The following SGCZ variants were observed in gnomAD, a reference collection of about 807,000 sequenced individuals.
SGCZ encodes the protein sarcoglycan zeta, also known as zeta-sarcoglycan.
Under a neutral mutation model 41.3 loss-of-function variants are expected in SGCZ, and 40 were observed. That is an observed-to-expected ratio of 0.97 (90% CI 0.75 to 1.26). The LOEUF (loss-of-function observed/expected upper bound fraction) is 1.26, where lower values mean the gene tolerates loss of function less well. SGCZ is among the 50% of genes most tolerant of loss of function. The pLI is 0.00. For synonymous variants in SGCZ, 206 were observed against 137.5 expected, an observed-to-expected ratio of 1.50 and a Z score of -3.49; for missense variants, 552 against 369.8, an observed-to-expected ratio of 1.49 and a Z score of -4.04.
chr8:14,725,996 C>T (rs949403517), intron 1 of SGCZ, among the ~76,000 whole-genome samples: 23 of 151,720 alleles, frequency 1.5e-4, no homozygotes, highest in Admixed American at 1.1e-3. Flanking sequence ...GCCAGGCTCA[C>T]GCCTGTAATC....
chr8:14,922,747 C>A (rs59456319), intron 1 of SGCZ, among the ~76,000 whole-genome samples: 1 of 152,214 alleles, frequency 6.6e-6, no homozygotes, highest in South Asian at 2.1e-4. Context: ...TTTTTGCATA[C>A]ATTCAAGATA....
At chr8:14,541,712 C>A (rs1004851725) in intron 2 of SGCZ, among the ~76,000 whole-genome samples, 13 of 152,136 alleles carry the variant, frequency 8.5e-5, no homozygotes, top group African/African-American at 1.4e-4. Flanking sequence ...GCCACACTGT[C>A]TTCCACAATG....
chr8:14,499,119 T>C (rs1168152096), intron 2 of SGCZ, among the ~76,000 whole-genome samples: 1 of 152,048 alleles, frequency 6.6e-6, no homozygotes, highest in Non-Finnish European at 1.5e-5. Context: ...TGTTATTTGC[T>C]TATATTGCTT....
chr8:15,142,785 T>C (rs538162641), intron 1 of SGCZ, among the ~76,000 whole-genome samples: 1 of 152,096 alleles, frequency 6.6e-6, no homozygotes, highest in African/African-American at 2.4e-5. Flanking sequence ...CTACTTTTTG[T>C]ATTTTTGTAG....
chr8:15,026,624 G>A (rs895370444), intron 1 of SGCZ, among the ~76,000 whole-genome samples: 3 of 152,106 alleles, frequency 2.0e-5, no homozygotes, highest in African/African-American at 7.2e-5. Flanking sequence ...AAAGGGACTC[G>A]ATTGCCAATC....
At chr8:14,958,937 A>C (rs1323186055) in intron 1 of SGCZ, among the ~76,000 whole-genome samples, 3 of 152,118 alleles carry the variant, frequency 2.0e-5, no homozygotes, top group African/African-American at 7.2e-5. Flanking sequence ...CAGATTCTCT[A>C]AAACTCTTTT....
chr8:14,090,208 G>C lies in SGCZ; in HGVS notation c.*235C>G, dbSNP rs375870198. The stretch of plus-strand genomic sequence containing the variant: ...ATTCTCCCTTTCGAGCAAAAGTCAT[G>C]ATCCAGTTTTCCTGCTGACGACGCT... On this transcript the variant is annotated 3_prime_UTR_variant, in exon 8 of 8. Coordinates refer to ENST00000382080, the MANE Select transcript of SGCZ (RefSeq NM_139167.4). The C allele has an allele frequency of 5.5e-6, 2 of 365,208 alleles. No homozygotes were observed. Among genetic ancestry groups the C allele is most frequent in the African/African-American group, 2.1e-5 (1 of 48,182 alleles). The allele number at this position is 365,208 out of a possible 1,614,324, so 22.6% of individuals were successfully genotyped here. A position where few individuals can be genotyped will look rare whatever the true frequency, so the allele number is the denominator to read the frequency against.
chr8:14,197,701 A>G (rs1021474105), intron 4 of SGCZ, among the ~76,000 whole-genome samples: 3 of 152,082 alleles, frequency 2.0e-5, no homozygotes, highest in African/African-American at 7.2e-5. Context: ...TAAATCTAAC[A>G]TCATATTTAA....
chr8:14,183,496 G>T (rs577531778), intron 4 of SGCZ, among the ~76,000 whole-genome samples: 70 of 152,244 alleles, frequency 4.6e-4, no homozygotes, highest in African/African-American at 1.6e-3. Context: ...AAAATCCTAT[G>T]CACAGTATCT....
At chr8:14,137,442 G>A (rs1034711490) in intron 5 of SGCZ, among the ~76,000 whole-genome samples, 20 of 152,186 alleles carry the variant, frequency 1.3e-4, no homozygotes, top group Admixed American at 1.2e-3. Context: ...AAAAATGTTA[G>A]ATGAATGGCT....
rs183669163 is a variant in SGCZ, at chr8:15,073,509, T to C, written c.39+164076A>G. ...GGCTAGGCTACGGTGCCCAGATGCT[T>C]GGCCAAACACCAGCATAGATGTTAC... On this transcript the variant is annotated intron_variant, in intron 1 of 7. Coordinates refer to ENST00000382080, the MANE Select transcript of SGCZ (RefSeq NM_139167.4). 2.0e-3 allele frequency among the ~76,000 whole-genome samples: 300 copies of C among 152,316 alleles called. 2 individuals are homozygous for C. In the Middle Eastern group the frequency reaches 0.02, roughly 10 times the overall value.
At position 14,437,700 on chromosome 8, in the gene SGCZ, T is replaced by G. The variant is rs545760166; in HGVS notation, c.235-113496A>C. ...GGACCTGAGACCATCATGTTTAGAA[T>G]TGATAAATAAAAATTTATATTTCAT... is the stretch of plus-strand genomic sequence containing the variant. On this transcript the variant is annotated intron_variant, in intron 2 of 7. Transcript: ENST00000382080. Among the ~76,000 whole-genome samples, 211 of 151,948 alleles carry G rather than the reference T, an allele frequency of 1.4e-3. 2 individuals are homozygous for G. The highest frequency in any genetic ancestry group is 0.014 in the South Asian group (67 of 4,826).
intron 3 of SGCZ, among the ~76,000 whole-genome samples, chr8:14,293,781 G>A (rs912836259): frequency 1.3e-5 from 2 of 151,752 alleles, no homozygotes; most frequent in Admixed American, 1.3e-4. Context: ...TTCCAACTTT[G>A]TCCCTTTTTA....
intron 2 of SGCZ, among the ~76,000 whole-genome samples, chr8:14,451,414 T>TC (rs1297402836): frequency 6.6e-6 from 1 of 152,188 alleles, no homozygotes; most frequent in Non-Finnish European, 1.5e-5. Flanking sequence ...TTCATTAAAC[T>TC]AAGAAACAGA....
intron 3 of SGCZ, among the ~76,000 whole-genome samples, chr8:14,322,297 G>A (rs961511793): frequency 2.0e-5 from 3 of 152,060 alleles, no homozygotes; most frequent in African/African-American, 7.2e-5. Flanking sequence ...GGAAGGACCA[G>A]CATCAGGGCT....
In SGCZ at chr8:14,589,339, C is replaced by A. The variant is rs563493051; in HGVS notation, c.40-34413G>T. On this transcript the variant is annotated intron_variant, in intron 1 of 7. Coordinates refer to ENST00000382080, the MANE Select transcript of SGCZ (RefSeq NM_139167.4). ...CCAGCCTGGATGACAGAGTGAGACTCCATCTCAAAAAAAAAAAAAAAAATA... is the reference window on the plus strand; with the variant it reads ...CCAGCCTGGATGACAGAGTGAGACTACATCTCAAAAAAAAAAAAAAAAATA... Among the ~76,000 whole-genome samples, 13 of 78,538 alleles carry A rather than the reference C, an allele frequency of 1.7e-4. No homozygotes were observed. The South Asian group carries it at 3.3e-3, about 20-fold the overall frequency. The allele number at this position is 78,538 out of a possible 152,430, so 51.5% of individuals were successfully genotyped here. A position where few individuals can be genotyped will look rare whatever the true frequency, so the allele number is the denominator to read the frequency against.
intron 1 of SGCZ, among the ~76,000 whole-genome samples, chr8:14,944,948 G>T (rs951435691): frequency 6.6e-6 from 1 of 152,130 alleles, no homozygotes; most frequent in Non-Finnish European, 1.5e-5. Flanking sequence ...GCTGTTCACA[G>T]TTCCTTTTAG....
At chr8:14,983,613 A>C (rs1032452612) in intron 1 of SGCZ, among the ~76,000 whole-genome samples, 2 of 152,052 alleles carry the variant, frequency 1.3e-5, no homozygotes, top group Non-Finnish European at 2.9e-5. Context: ...TCAAGGTGCT[A>C]GGATTACAGA....
chr8:14,397,837 A>C (rs1241591127), intron 2 of SGCZ, among the ~76,000 whole-genome samples: 1 of 152,120 alleles, frequency 6.6e-6, no homozygotes, highest in Non-Finnish European at 1.5e-5. Flanking sequence ...TGCTTCGTCT[A>C]AGATTGTCAA....
Sources: allele counts gnomAD v4.1 joint callset (sites outside exome capture counted in the v4.1 genomes callset), GRCh38; gene constraint gnomAD v4.1.1; transcripts MANE v1.5; gene names NCBI Gene and HGNC (gene_info 2026-07-23, HGNC 2026-07-21).